Variants in EHMT2 observed in about 807,000 individuals in gnomAD.
The protein encoded by EHMT2 is histone-lysine N-methyltransferase EHMT2.
A neutral mutation model predicts 143.3 loss-of-function variants in EHMT2; 59 were observed. That is an observed-to-expected ratio of 0.41 (90% CI 0.33 to 0.51). EHMT2 has a LOEUF of 0.51. Among genes scored for constraint, EHMT2 ranks in the 20% least tolerant of loss-of-function variants. The pLI, the probability that EHMT2 is intolerant of heterozygous loss-of-function variation, is 0.18. For missense variants in EHMT2, 1,174 were observed against 1,645.9 expected, an observed-to-expected ratio of 0.71 and a Z score of 4.96; for synonymous variants, 604 against 651.5, an observed-to-expected ratio of 0.93 and a Z score of 1.11.
exon 4 of EHMT2, chr6:31,896,300 C>T: frequency 1.2e-6 from 2 of 1,612,932 alleles, no homozygotes; most frequent in Non-Finnish European, 1.7e-6. Flanking sequence ...TTTGCGGGCT[C>T]GGTGGACCTT....
At position 31,889,806 on chromosome 6, in the gene EHMT2, T is replaced by G. The variant is rs912621536; in HGVS notation, c.865-204A>C. 2.0e-5 allele frequency among the ~76,000 whole-genome samples: 3 copies of G among 152,082 alleles called. No homozygotes were observed. Among genetic ancestry groups the G allele is most frequent in the African/African-American group, 7.2e-5 (3 of 41,392 alleles). ...GCAGTGAAAAAGTTACAGACAGCAA[T>G]GTGCACAGATCTTGGTAATGTGATA... On this transcript the variant is annotated intron_variant, in intron 7 of 27. Transcript: ENST00000375537. This position sits in a 1 kb window ranked among gnomAD's most constrained non-coding sequence, Gnocchi z 5.1.
chr6:31,889,528 TTCC>T lies in EHMT2; in HGVS notation c.936_938del (p.Glu323del), dbSNP rs1051179032. 1.2e-6 allele frequency: 2 copies of T among 1,611,698 alleles called. No homozygotes were observed. Among genetic ancestry groups the T allele is most frequent in the Non-Finnish European group, 1.7e-6 (2 of 1,179,340 alleles). On this transcript the variant is annotated inframe_deletion, in exon 8 of 28. Transcript: ENST00000375537. The surrounding 1 kb of genome is among the most constrained non-coding windows in gnomAD (Gnocchi z 5.1). ...CTTCTTCTTCCTCTTCCTCCTCCTC[TTCC>T]TCTTCTTCTTCTTCCTCCTCTTCCT...
chr6:31,893,412 G>C (rs1211399472), intron 4 of EHMT2: 1 of 437,602 alleles, frequency 2.3e-6, no homozygotes, highest in Non-Finnish European at 4.6e-6. Flanking sequence ...CCTCGAACTG[G>C]ACTCAAGCCA....
chr6:31,887,673 A>C lies in EHMT2; in HGVS notation c.1929-14T>G. ...AGCTTCTTCCGCCTGCCAAGGGAGC[A>C]CGGGAGCGGGGAGAGAAGGGGAGCT... On this transcript the variant is annotated splice_polypyrimidine_tract_variant and intron_variant, in intron 14 of 27. Coordinates refer to ENST00000375537, the Ensembl canonical transcript of EHMT2. The C allele has an allele frequency of 6.2e-7, 1 of 1,612,516 alleles. No individual in the cohort carries two copies. The highest frequency in any genetic ancestry group is 1.1e-5 in the South Asian group (1 of 91,086).
chr6:31,887,914 G>A (rs750403350), exon 14 of EHMT2: 9 of 1,605,716 alleles, frequency 5.6e-6, no homozygotes, highest in African/African-American at 2.7e-5. Context: ...GTCAGCCAGG[G>A]GATCGCAGGG....
chr6:31,880,959 G>T lies in EHMT2; in HGVS notation c.3276+55C>A. The stretch of plus-strand genomic sequence containing the variant: ...GGTTTCCATTTGCTGACTTCCCAGA[G>T]GCTCCTGAAAGCCAGCCCTGGGGAG... On this transcript the variant is annotated intron_variant, in intron 26 of 27. Transcript: ENST00000375537. The surrounding 1 kb of genome is among the most constrained non-coding windows in gnomAD (Gnocchi z 6.6). 1 of 1,609,484 alleles carries T rather than the reference G, an allele frequency of 6.2e-7. No individual in the cohort carries two copies. The highest frequency in any genetic ancestry group is 8.5e-7 in the Non-Finnish European group (1 of 1,176,986).
Position 31,883,053 on chromosome 6 carries a change from C to T in EHMT2, c.2995-44G>A, listed in dbSNP as rs776152694. 7.8e-6 allele frequency: 12 copies of T among 1,546,278 alleles called. No homozygotes were observed. ...GATAGTGGTTTCTCTGTGGGGCCCA[C>T]CTCAGCTGCCCACCCAGGAACCCCA... is the stretch of plus-strand genomic sequence containing the variant. On this transcript the variant is annotated intron_variant, in intron 23 of 27. Transcript: ENST00000375537. This position sits in a 1 kb window ranked among gnomAD's most constrained non-coding sequence, Gnocchi z 5.6.
In EHMT2 at chr6:31,889,623, A is replaced by G; in HGVS notation, c.865-21T>C. On this transcript the variant is annotated intron_variant, in intron 7 of 27. Coordinates refer to ENST00000375537, the Ensembl canonical transcript of EHMT2. The surrounding 1 kb of genome is among the most constrained non-coding windows in gnomAD (Gnocchi z 5.1). ...TCAGACTGGGAGAGAGGCAGAACAG[A>G]CATATCCAACCCCCAGGACTCAGAC... The G allele has an allele frequency of 6.2e-7, 1 of 1,608,128 alleles. No individual in the cohort carries two copies. The highest frequency in any genetic ancestry group is 8.5e-7 in the Non-Finnish European group (1 of 1,179,954).
Position 31,881,141 on chromosome 6 carries a change from A to T in EHMT2, c.3198-49T>A. On this transcript the variant is annotated intron_variant, in intron 25 of 27. Coordinates refer to ENST00000375537, the Ensembl canonical transcript of EHMT2. This position sits in a 1 kb window ranked among gnomAD's most constrained non-coding sequence, Gnocchi z 4.8. ...CTGAAGGTGAGTGTGGGCTATTAGG[A>T]GGTGGCTCCAGGCCCCATCTCTCTT... 6.6e-7 allele frequency: 1 copy of T among 1,503,888 alleles called. No homozygotes were observed. The highest frequency in any genetic ancestry group is 9.2e-7 in the Non-Finnish European group (1 of 1,081,814). The allele number at this position is 1,503,888 out of a possible 1,614,324, so 93.2% of individuals were successfully genotyped here. A position where few individuals can be genotyped will look rare whatever the true frequency, so the allele number is the denominator to read the frequency against.
chr6:31,882,810 T>C, intron 24 of EHMT2, 25 bp from the exon 25 acceptor site: 1 of 1,612,048 alleles, frequency 6.2e-7, no homozygotes, highest in Admixed American at 1.7e-5. Flanking sequence ...GATGGCGCTG[T>C]TGGGTGGAGG....
chr6:31,893,276 T>C, intron 4 of EHMT2: 1 of 452,712 alleles, frequency 2.2e-6, no homozygotes, highest in Admixed American at 3.0e-5. Flanking sequence ...ATAAGCAAAA[T>C]GTGGCATTTA....
rs9461728 is a variant in EHMT2, at chr6:31,880,503, G to A, written c.3452+170C>T. On this transcript the variant is annotated intron_variant, in intron 27 of 27. Coordinates refer to ENST00000375537, the Ensembl canonical transcript of EHMT2. The surrounding 1 kb of genome is among the most constrained non-coding windows in gnomAD (Gnocchi z 6.6). Reference sequence around the variant, plus strand: ...CTACTGATTCAAAATCTCTCTGGGAGGCACAGGACTGTTTCCCCAAGTCCT... The same window carrying A: ...CTACTGATTCAAAATCTCTCTGGGAAGCACAGGACTGTTTCCCCAAGTCCT... 9,942 of 859,498 alleles carry A rather than the reference G, an allele frequency of 0.012. 114 individuals are homozygous for A. Among genetic ancestry groups the A allele is most frequent in the Middle Eastern group, 0.062 (176 of 2,816 alleles). 53.2% of individuals were successfully genotyped at this position (859,498 alleles called of 1,614,324 possible). A position where few individuals can be genotyped will look rare whatever the true frequency, so the allele number is the denominator to read the frequency against.
At chr6:31,892,257 G>A in intron 7 of EHMT2, 150 bp downstream of exon 7, 1 of 858,732 alleles carries the variant, frequency 1.2e-6, no homozygotes, top group East Asian at 2.7e-5. Context: ...ACAAAAAAAA[G>A]GAGTTATAGA....
At chr6:31,892,986 C>CG (rs1765905547) in intron 4 of EHMT2, 76 bp from the exon 5 acceptor site, 3 of 970,484 alleles carry the variant, frequency 3.1e-6, no homozygotes, top group Non-Finnish European at 3.0e-6. Flanking sequence ...GAGCCCCAGG[C>CG]GGGGGTGGGG....
rs757868970 is a variant in EHMT2 at position 31,880,986 on chromosome 6, A to C, written c.3276+28T>G. ...CTCCTGAAAGCCAGCCCTGGGGAGC[A>C]GCAGGGTAAGGAGGGTCTCCTGCTC... On this transcript the variant is annotated intron_variant, in intron 26 of 27. Transcript: ENST00000375537. This position sits in a 1 kb window ranked among gnomAD's most constrained non-coding sequence, Gnocchi z 6.6. The C allele has an allele frequency of 1.9e-6, 3 of 1,611,082 alleles. No homozygotes were observed. The highest frequency in any genetic ancestry group is 2.2e-5 in the South Asian group (2 of 91,038).
chr6:31,884,768 A>T lies in EHMT2; in HGVS notation c.2480T>A (p.Phe827Tyr), dbSNP rs755307613. Residue 827 changes from phenylalanine to tyrosine, a missense_variant, in exon 20 of 28, where the codon TTC becomes TAC. This residue lies in a region of EHMT2 where 608 missense variants were observed against 903.7 expected (regional missense o/e 0.67). Coordinates refer to ENST00000375537, the Ensembl canonical transcript of EHMT2. This position sits in a 1 kb window ranked among gnomAD's most constrained non-coding sequence, Gnocchi z 7.3. Reference sequence around the variant, plus strand: ...TTCGGCGATGGCGGCGCTGCCCGTGAAGGAGGCCCAGTGCAGGCAGATGTT... The same window carrying T: ...TTCGGCGATGGCGGCGCTGCCCGTGTAGGAGGCCCAGTGCAGGCAGATGTT... The T allele has an allele frequency of 6.2e-7, 1 of 1,601,894 alleles. No individual in the cohort carries two copies. Among genetic ancestry groups the T allele is most frequent in the Non-Finnish European group, 8.5e-7 (1 of 1,174,656 alleles).
At position 31,881,220 on chromosome 6, in the gene EHMT2, G is replaced by A. The variant is rs1764061528; in HGVS notation, c.3198-128C>T. On this transcript the variant is annotated intron_variant, in intron 25 of 27. Transcript: ENST00000375537. This position sits in a 1 kb window ranked among gnomAD's most constrained non-coding sequence, Gnocchi z 4.8. Reference sequence around the variant, plus strand: ...GGGCTGGCAGGTGTGGGGAAGGGAAGGCCTGGAGCAGCAGTGGTGGGCAAG... The same window carrying A: ...GGGCTGGCAGGTGTGGGGAAGGGAAAGCCTGGAGCAGCAGTGGTGGGCAAG... The A allele has an allele frequency of 3.7e-6, 3 of 817,606 alleles. No homozygotes were observed. In the South Asian group the frequency reaches 4.2e-5, roughly 11 times the overall value. The allele number at this position is 817,606 out of a possible 1,614,324, so 50.6% of individuals were successfully genotyped here.
rs1312007180 is a variant in EHMT2 at position 31,881,435 on chromosome 6, G to C, written c.3198-343C>G. 5 of 417,666 alleles carry C rather than the reference G, an allele frequency of 1.2e-5. No homozygotes were observed. Among genetic ancestry groups the C allele is most frequent in the Middle Eastern group, 7.2e-4 (1 of 1,392 alleles). 25.9% of individuals were successfully genotyped at this position (417,666 alleles called of 1,614,324 possible). On this transcript the variant is annotated intron_variant, in intron 25 of 27. Transcript: ENST00000375537. This position sits in a 1 kb window ranked among gnomAD's most constrained non-coding sequence, Gnocchi z 4.8. The stretch of plus-strand genomic sequence containing the variant: ...GAATGGGCGATATGGAACAGGAGAG[G>C]GGCCAGGACTGCAGGAAGAGCCAGA...
Position 31,884,873 on chromosome 6 carries a change from G to A in EHMT2, c.2448+39C>T, listed in dbSNP as rs752867632. 1.3e-6 allele frequency: 2 copies of A among 1,586,410 alleles called. No individual in the cohort carries two copies. The highest frequency in any genetic ancestry group is 8.6e-7 in the Non-Finnish European group (1 of 1,160,048). On this transcript the variant is annotated intron_variant, in intron 19 of 27. Transcript: ENST00000375537. The surrounding 1 kb of genome is among the most constrained non-coding windows in gnomAD (Gnocchi z 7.3). ...GAATCCAGCCTCCACCTTGCTCAGG[G>A]GCCTGGGGCTGCCCTACCTCAACCA... is the stretch of plus-strand genomic sequence containing the variant.
Sources: gnomAD v4.1 joint callset for allele counts (sites outside exome capture counted in the v4.1 genomes callset) on GRCh38, gnomAD v4.1.1 for gene constraint, gnomAD v4.1.1 regional missense constraint, Gnocchi (gnomAD v3.1) non-coding constraint, MANE v1.5 for transcripts, NCBI Gene and HGNC (gene_info 2026-07-23, HGNC 2026-07-21) for gene names.